SOX6: variants seen among roughly 807,000 people sequenced by gnomAD.
SOX6 encodes the protein transcription factor SOX-6.
In SOX6, 11 loss-of-function variants were observed where a neutral mutation model predicts 97.8. The ratio of observed to expected loss-of-function variants is 0.11; its 90% CI spans 0.07 to 0.19. The LOEUF (loss-of-function observed/expected upper bound fraction) is 0.19. SOX6 is among the 10% of genes least tolerant of loss of function. SOX6 has a pLI of 1.00. For missense variants in SOX6, 810 were observed against 1,039.5 expected, an observed-to-expected ratio of 0.78 and a Z score of 3.04; for synonymous variants, 360 against 371.4, an observed-to-expected ratio of 0.97 and a Z score of 0.35.
intron 1 of SOX6, among the ~76,000 whole-genome samples, chr11:16,456,155 T>C (rs759995422): frequency 2.6e-5 from 4 of 152,080 alleles, no homozygotes; most frequent in Non-Finnish European, 5.9e-5. Flanking sequence ...TTTTATTTCA[T>C]CTATAGGTTT....
At chr11:16,221,339 A>C (rs2134157516) in intron 4 of SOX6, among the ~76,000 whole-genome samples, 1 of 152,224 alleles carries the variant, frequency 6.6e-6, no homozygotes, top group East Asian at 1.9e-4. Flanking sequence ...ATGTCACTTA[A>C]GAATGTCCTT....
intron 6 of SOX6, among the ~76,000 whole-genome samples, chr11:16,177,613 A>T (rs897556758): frequency 4.0e-5 from 5 of 125,240 alleles, no homozygotes; most frequent in Admixed American, 8.4e-5. Flanking sequence ...GGCTCTGAGA[A>T]TAAGATGATC....
chr11:16,204,422 G>A (rs1852018965), intron 4 of SOX6, among the ~76,000 whole-genome samples: 1 of 152,052 alleles, frequency 6.6e-6, no homozygotes, highest in African/African-American at 2.4e-5. Flanking sequence ...GGACATGTGG[G>A]GGTGTGGTGT....
chr11:16,196,813 GTCT>G (rs71861748), intron 4 of SOX6, among the ~76,000 whole-genome samples: 47,611 of 116,624 alleles, frequency 0.41, 11,228 homozygotes, highest in East Asian at 0.66. Context: ...CTGGTCCTCT[GTCT>G]TCTTCTTCTT....
chr11:16,591,314 G>GATAC (rs1453749005), intron 4 of SOX6, among the ~76,000 whole-genome samples: 1 of 133,114 alleles, frequency 7.5e-6, no homozygotes, highest in South Asian at 2.5e-4. Flanking sequence ...TAAATGGTTA[G>GATAC]ATACATAGAT....
intron 1 of SOX6, among the ~76,000 whole-genome samples, chr11:16,398,363 ACCATT>A (rs1858426415): frequency 6.6e-6 from 1 of 151,270 alleles, no homozygotes; most frequent in East Asian, 1.9e-4. Flanking sequence ...TAAAACCATA[ACCATT>A]CCCTGGCCTT....
At chr11:16,451,645 G>A (rs1389486151) in intron 1 of SOX6, among the ~76,000 whole-genome samples, 1 of 152,184 alleles carries the variant, frequency 6.6e-6, no homozygotes, top group African/African-American at 2.4e-5. Flanking sequence ...TGTCAGTGCA[G>A]CTGGGGATGG....
At chr11:16,628,282 T>A (rs1848651922) in intron 3 of SOX6, among the ~76,000 whole-genome samples, 1 of 152,168 alleles carries the variant, frequency 6.6e-6, no homozygotes, top group Non-Finnish European at 1.5e-5. Flanking sequence ...CTTGGGCTCT[T>A]TTCTGGTTCC....
chr11:16,516,954 G>T (rs1164741585), intron 4 of SOX6, among the ~76,000 whole-genome samples: 57 of 135,782 alleles, frequency 4.2e-4, no homozygotes, highest in African/African-American at 6.7e-4. Context: ...ACCGAATCCA[G>T]CAGCACATCA....
chr11:16,692,056 C>CGTGTGTGTGTGT (rs755479047), intron 3 of SOX6, among the ~76,000 whole-genome samples: 54 of 144,378 alleles, frequency 3.7e-4, no homozygotes, highest in Middle Eastern at 3.6e-3. Context: ...TTTGCGTGTG[C>CGTGTGTGTGTGT]GTGTGTGTGT....
intron 4 of SOX6, among the ~76,000 whole-genome samples, chr11:16,540,968 C>A (rs1861398050): frequency 6.6e-6 from 1 of 152,152 alleles, no homozygotes; most frequent in African/African-American, 2.4e-5. Flanking sequence ...TTGGAAAAAA[C>A]TATTCTAAAG....
At chr11:16,462,952 A>G (rs1483561148) in intron 1 of SOX6, among the ~76,000 whole-genome samples, 1 of 152,236 alleles carries the variant, frequency 6.6e-6, no homozygotes, top group Non-Finnish European at 1.5e-5. Flanking sequence ...AACTATCACC[A>G]TAAGATGGTT....
chr11:16,194,404 C>T (rs928060272), intron 4 of SOX6, among the ~76,000 whole-genome samples: 1 of 152,204 alleles, frequency 6.6e-6, no homozygotes, highest in African/African-American at 2.4e-5. Flanking sequence ...CCATATGCTA[C>T]TGTCCATTCC....
chr11:16,121,844 G>A (rs1201903151), intron 6 of SOX6, among the ~76,000 whole-genome samples: 2 of 151,924 alleles, frequency 1.3e-5, no homozygotes, highest in East Asian at 3.9e-4. Flanking sequence ...AACATGCTAT[G>A]CAAAAGTAAA....
chr11:16,374,837 T>C (rs1181886502), intron 1 of SOX6, among the ~76,000 whole-genome samples: 1 of 152,092 alleles, frequency 6.6e-6, no homozygotes, highest in Non-Finnish European at 1.5e-5. Context: ...AAGAGCAGGT[T>C]GGTTTTTATT....
intron 1 of SOX6, among the ~76,000 whole-genome samples, chr11:16,419,952 G>T (rs1362720999): frequency 6.6e-6 from 1 of 152,056 alleles, no homozygotes; most frequent in South Asian, 2.1e-4. Flanking sequence ...GTGACAGAAT[G>T]GATTTTTAAA....
intron 1 of SOX6, among the ~76,000 whole-genome samples, chr11:16,403,797 G>A (rs1241474837): frequency 1.3e-5 from 2 of 151,396 alleles, no homozygotes; most frequent in East Asian, 3.9e-4. Context: ...CATGTAAAAA[G>A]GCACACAGCT....
intron 13 of SOX6, among the ~76,000 whole-genome samples, chr11:15,993,840 GC>G (rs1452429569): frequency 6.6e-6 from 1 of 152,174 alleles, no homozygotes; most frequent in Non-Finnish European, 1.5e-5. Flanking sequence ...TGGAAAGAAG[GC>G]CAGTTTCACC....
intron 4 of SOX6, among the ~76,000 whole-genome samples, chr11:16,523,081 A>C (rs568023230): frequency 3.3e-5 from 5 of 152,126 alleles, no homozygotes; most frequent in African/African-American, 1.2e-4. Context: ...ACAACACAAA[A>C]AGTTAACAAG....
Sources: gnomAD v4.1 joint callset for allele counts (sites outside exome capture counted in the v4.1 genomes callset) on GRCh38, gnomAD v4.1.1 for gene constraint, MANE v1.5 for transcripts, NCBI Gene and HGNC (gene_info 2026-07-23, HGNC 2026-07-21) for gene names.